Variants in ATXN10 observed in about 807,000 individuals in gnomAD.
ATXN10 encodes ataxin 10.
A neutral mutation model predicts 52.9 loss-of-function variants in ATXN10; 28 were observed. That is an observed-to-expected ratio of 0.53 (90% CI 0.39 to 0.73). ATXN10 has a LOEUF of 0.73. ATXN10 is among the 30% of genes least tolerant of loss of function. ATXN10 has a pLI of 0.00. For missense variants in ATXN10, 565 were observed against 577.0 expected (o/e 0.98, Z 0.21); for synonymous variants, 226 against 221.5 (o/e 1.02, Z -0.18).
At chr22:45,813,224 T>A (rs1053968140) in intron 10 of ATXN10, among the ~76,000 whole-genome samples, 1 of 152,208 alleles carries the variant, frequency 6.6e-6, no homozygotes, top group Non-Finnish European at 1.5e-5. Context: ...ATTGTGGGAT[T>A]TTTTGTTGTT....
In ATXN10 at chr22:45,718,364, C is replaced by T. The variant is rs2071852; in HGVS notation, c.648-49C>T. 0.16 allele frequency: 224,158 copies of T among 1,423,964 alleles called. 18,777 individuals are homozygous for T. Among genetic ancestry groups the T allele is most frequent in the African/African-American group, 0.25 (17,844 of 71,106 alleles). The allele number at this position is 1,423,964 out of a possible 1,614,324, so 88.2% of individuals were successfully genotyped here. A position where few individuals can be genotyped will look rare whatever the true frequency, so the allele number is the denominator to read the frequency against. The stretch of plus-strand genomic sequence containing the variant: ...CTATAAAGTAGATAAGGGCATGTCT[C>T]TTTTACTATGTTTCAAGTAACCAAA... On this transcript the variant is annotated intron_variant, in intron 5 of 11. Transcript: ENST00000252934. The surrounding 1 kb of genome is among the most constrained non-coding windows in gnomAD (Gnocchi z 4.4).
chr22:45,702,967 A>G (rs1923898545), intron 5 of ATXN10, 120 bp downstream of exon 5: 2 of 1,225,142 alleles, frequency 1.6e-6, no homozygotes, highest in South Asian at 1.3e-5. Context: ...AAAACTTAAC[A>G]TGTGTTGACA....
At chr22:45,730,181 A>G (rs1925032252) in intron 7 of ATXN10, among the ~76,000 whole-genome samples, 1 of 151,794 alleles carries the variant, frequency 6.6e-6, no homozygotes, top group Middle Eastern at 3.2e-3. Flanking sequence ...CCATCTCTGT[A>G]AAAAATACAA....
chr22:45,759,443 C>T lies in ATXN10; in HGVS notation c.1173+18905C>T, dbSNP rs925522385. Among the ~76,000 whole-genome samples the T allele has an allele frequency of 6.6e-6, 1 of 152,170 alleles. No individual in the cohort carries two copies. The highest frequency in any genetic ancestry group is 1.5e-5 in the Non-Finnish European group (1 of 68,028). ...GGGAGAATCACCTGAACTCGGGAGG[C>T]AGAGGTTGCAGTGAGCCGAGATAGC... is the stretch of plus-strand genomic sequence containing the variant. On this transcript the variant is annotated intron_variant, in intron 9 of 11. Coordinates refer to ENST00000252934, the MANE Select transcript of ATXN10 (RefSeq NM_013236.4). The surrounding 1 kb of genome is among the most constrained non-coding windows in gnomAD (Gnocchi z 5.4).
chr22:45,726,045 C>A (rs1266576057), intron 6 of ATXN10, among the ~76,000 whole-genome samples: 1 of 152,096 alleles, frequency 6.6e-6, no homozygotes, highest in Non-Finnish European at 1.5e-5. Context: ...CCGATGGATT[C>A]AGTTTTCTAG....
chr22:45,745,420 T>A (rs1480215769), intron 9 of ATXN10, among the ~76,000 whole-genome samples: 4 of 152,214 alleles, frequency 2.6e-5, no homozygotes, highest in Non-Finnish European at 5.9e-5. Context: ...GGAACTGCTA[T>A]TCAGTTTCTT....
intron 9 of ATXN10, among the ~76,000 whole-genome samples, chr22:45,796,846 AAT>A (rs1205221885): frequency 6.6e-6 from 1 of 152,242 alleles, no homozygotes; most frequent in East Asian, 1.9e-4. Context: ...TATGATAAGA[AAT>A]ATACTTTGAA....
intron 1 of ATXN10, chr22:45,674,403 G>A (rs1922600074): frequency 6.6e-6 from 1 of 152,262 alleles, no homozygotes; most frequent in African/African-American, 2.4e-5. Flanking sequence ...GTTGTGTGGT[G>A]GTGCAGAGAA....
chr22:45,738,575 T>C (rs1925388410), intron 7 of ATXN10, 156 bp from the exon 8 acceptor site: 2 of 644,904 alleles, frequency 3.1e-6, no homozygotes, highest in Admixed American at 5.6e-5. Context: ...TTCATACTTC[T>C]GTTTTGTTCT....
rs1276589782 is a variant in ATXN10 at position 45,843,371 on chromosome 22, C to T, written c.1425+193C>T. 6.6e-6 allele frequency among the ~76,000 whole-genome samples: 1 copy of T among 152,120 alleles called. No individual in the cohort carries two copies. The highest frequency in any genetic ancestry group is 1.5e-5 in the Non-Finnish European group (1 of 68,008). On this transcript the variant is annotated intron_variant, in intron 11 of 11. Transcript: ENST00000252934. The surrounding 1 kb of genome is among the most constrained non-coding windows in gnomAD (Gnocchi z 4.5). ...TGTTCCGGCTTTATGCTGCCATTTT[C>T]TTAAAAGAGGGACAATTTCAAACTC...
intron 1 of ATXN10, chr22:45,679,031 C>T (rs755782169): frequency 5.3e-5 from 8 of 152,118 alleles, no homozygotes; most frequent in Middle Eastern, 3.2e-3. Flanking sequence ...TTCATTTTCC[C>T]TCAAGGTTGA....
intron 9 of ATXN10, among the ~76,000 whole-genome samples, chr22:45,748,930 G>C (rs1475930328): frequency 6.6e-6 from 1 of 152,078 alleles, no homozygotes; most frequent in African/African-American, 2.4e-5. Context: ...TTTTTTAAAA[G>C]ACTAAAGGAT....
chr22:45,759,369 G>A lies in ATXN10; in HGVS notation c.1173+18831G>A, dbSNP rs182582090. Among the ~76,000 whole-genome samples, 980 of 152,216 alleles carry A rather than the reference G, an allele frequency of 6.4e-3. 7 individuals are homozygous for A. Among genetic ancestry groups the A allele is most frequent in the South Asian group, 0.017 (80 of 4,810 alleles). On this transcript the variant is annotated intron_variant, in intron 9 of 11. Coordinates refer to ENST00000252934, the MANE Select transcript of ATXN10 (RefSeq NM_013236.4). This position sits in a 1 kb window ranked among gnomAD's most constrained non-coding sequence, Gnocchi z 5.4. ...TCTACTAAAAATACAAAAAGTAGCC[G>A]GGCGTGGTGGCGCATGCCTGTAATC... is the stretch of plus-strand genomic sequence containing the variant.
rs1249835379 is a variant in ATXN10, at chr22:45,708,206, C to G, written c.647+5359C>G. 6.6e-6 allele frequency among the ~76,000 whole-genome samples: 1 copy of G among 152,146 alleles called. No homozygotes were observed. The highest frequency in any genetic ancestry group is 1.5e-5 in the Non-Finnish European group (1 of 68,010). ...TAGGTGTGAAAGATGTTTTCATGCT[C>G]TTAGATAACCCTAGATGAATCCAGG... On this transcript the variant is annotated intron_variant, in intron 5 of 11. Coordinates refer to ENST00000252934, the MANE Select transcript of ATXN10 (RefSeq NM_013236.4). This position sits in a 1 kb window ranked among gnomAD's most constrained non-coding sequence, Gnocchi z 5.3.
In ATXN10 at chr22:45,843,544, G is replaced by A. The variant is rs559193380; in HGVS notation, c.1426-125G>A. The A allele has an allele frequency of 4.7e-6, 4 of 848,100 alleles. No individual in the cohort carries two copies. Among genetic ancestry groups the A allele is most frequent in the Admixed American group, 2.0e-5 (1 of 49,696 alleles). The allele number at this position is 848,100 out of a possible 1,614,324, so 52.5% of individuals were successfully genotyped here. A position where few individuals can be genotyped will look rare whatever the true frequency, so the allele number is the denominator to read the frequency against. On this transcript the variant is annotated intron_variant, in intron 11 of 11. Coordinates refer to ENST00000252934, the MANE Select transcript of ATXN10 (RefSeq NM_013236.4). This position sits in a 1 kb window ranked among gnomAD's most constrained non-coding sequence, Gnocchi z 4.5. ...CTCCTTGAATAATATTGCATGAATTGTTTTAGGTTTCTCTAAGTTATTTGT... is the reference window on the plus strand; with the variant it reads ...CTCCTTGAATAATATTGCATGAATTATTTTAGGTTTCTCTAAGTTATTTGT...
In ATXN10 at chr22:45,769,769, A is replaced by G. The variant is rs1486254913; in HGVS notation, c.1173+29231A>G. ...CGAGTAGCCTGACAAGATGTCTGCC[A>G]GGTGCTCAGAAAATATCTGATGAAT... is the stretch of plus-strand genomic sequence containing the variant. On this transcript the variant is annotated intron_variant, in intron 9 of 11. Coordinates refer to ENST00000252934, the MANE Select transcript of ATXN10 (RefSeq NM_013236.4). The surrounding 1 kb of genome is among the most constrained non-coding windows in gnomAD (Gnocchi z 4.2). 6.6e-6 allele frequency among the ~76,000 whole-genome samples: 1 copy of G among 152,214 alleles called. No homozygotes were observed. Among genetic ancestry groups the G allele is most frequent in the Admixed American group, 6.5e-5 (1 of 15,276 alleles).
intron 10 of ATXN10, among the ~76,000 whole-genome samples, chr22:45,831,110 A>C (rs1316554051): frequency 3.3e-5 from 5 of 152,246 alleles, no homozygotes; most frequent in Non-Finnish European, 5.9e-5. Context: ...TAAGCCAGTC[A>C]TACCGTGTCA....
At chr22:45,698,453 T>C (rs757191082) in intron 3 of ATXN10, among the ~76,000 whole-genome samples, 4 of 152,248 alleles carry the variant, frequency 2.6e-5, no homozygotes, top group Non-Finnish European at 5.9e-5. Context: ...CAGTTTTCAA[T>C]TGGGCTGTTT....
intron 9 of ATXN10, among the ~76,000 whole-genome samples, chr22:45,764,247 C>CA (rs1926504862): frequency 6.6e-6 from 1 of 152,016 alleles, no homozygotes; most frequent in Non-Finnish European, 1.5e-5. Context: ...CCCCCACCCC[C>CA]ACTCCCACTC....
Sources: allele counts gnomAD v4.1 joint callset (sites outside exome capture counted in the v4.1 genomes callset), GRCh38; gene constraint gnomAD v4.1.1; non-coding constraint Gnocchi (gnomAD v3.1); transcripts MANE v1.5; gene names NCBI Gene and HGNC (gene_info 2026-07-23, HGNC 2026-07-21).